RIC3: variants seen among roughly 807,000 people sequenced by gnomAD.
The protein encoded by RIC3 is protein RIC-3.
RIC3 carries 28 observed loss-of-function variants against 27.3 expected under a neutral mutation model. That is an observed-to-expected ratio of 1.02 (90% confidence interval 0.76 to 1.41). RIC3 has a LOEUF of 1.41. Ranked by LOEUF, RIC3 falls within the 40% of genes most tolerant of loss-of-function variation. The pLI is 0.00. For synonymous variants in RIC3, 184 were observed against 160.4 expected (o/e 1.15, Z -1.11); for missense variants, 501 against 444.7 (o/e 1.13, Z -1.14).
At chr11:8,098,916 T>TA in the RIC3 span, 2 of 1,459,536 alleles carry the variant, frequency 1.4e-6, no homozygotes, top group Non-Finnish European at 1.9e-6. Context: ...CCAAGGTAGA[T>TA]ATGAAATCCA....
intron 5 of RIC3, among the ~76,000 whole-genome samples, chr11:8,122,535 CT>C (rs1946571120): frequency 6.6e-6 from 1 of 151,938 alleles, no homozygotes; most frequent in Non-Finnish European, 1.5e-5. Context: ...TGAAATTAAG[CT>C]GCTATAAATA....
downstream of RIC3, among the ~76,000 whole-genome samples, chr11:8,101,330 C>T (rs956866036): frequency 6.6e-6 from 1 of 152,178 alleles, no homozygotes; most frequent in African/African-American, 2.4e-5. Context: ...CCACTTCTCC[C>T]AATTGGCCTT....
chr11:8,103,425 A>T (rs1360784948), downstream of RIC3: 3 of 152,318 alleles, frequency 2.0e-5, no homozygotes, highest in East Asian at 5.8e-4. Context: ...TAAACGTGTT[A>T]GGCTTTATAG....
At chr11:8,096,922 TTATGTCCCTC>T in the RIC3 span, 1 of 1,244,698 alleles carries the variant, frequency 8.0e-7, no homozygotes, top group Non-Finnish European at 1.2e-6. Flanking sequence ...TGCTGGCCTC[TTATGTCCCTC>T]TACCTTGCCT....
intron 5 of RIC3, among the ~76,000 whole-genome samples, chr11:8,122,155 G>A (rs986152626): frequency 1.4e-4 from 21 of 152,132 alleles, no homozygotes; most frequent in African/African-American, 4.8e-4. Context: ...TAACAACCAG[G>A]ATATTAATAT....
chr11:8,110,317 C>A lies in RIC3; in HGVS notation c.*381G>T. ...ATCTTCATTCTTGCAACCTTAAGTC[C>A]TCATCATCTGTAAGCTGATGTTCGT... On this transcript the variant is annotated 3_prime_UTR_variant, in exon 6 of 6. Coordinates refer to ENST00000309737, the MANE Select transcript of RIC3 (RefSeq NM_001206671.4). The A allele has an allele frequency of 2.9e-6, 1 of 346,904 alleles. No individual in the cohort carries two copies. The highest frequency in any genetic ancestry group is 5.6e-6 in the Non-Finnish European group (1 of 179,840). 21.5% of individuals were successfully genotyped at this position (346,904 alleles called of 1,614,324 possible).
chr11:8,138,584 C>A, intron 2 of RIC3: 1 of 461,238 alleles, frequency 2.2e-6, no homozygotes. Flanking sequence ...TTCAAAGAGA[C>A]TTTACTCCCC....
At chr11:8,096,904 A>G in the RIC3 span, 1 of 1,410,900 alleles carries the variant, frequency 7.1e-7, no homozygotes. Context: ...TGCCTTTAGG[A>G]GCTTCTCTGC....
chr11:8,166,045 T>C (rs944471476), intron 1 of RIC3, among the ~76,000 whole-genome samples: 2 of 152,184 alleles, frequency 1.3e-5, no homozygotes, highest in Non-Finnish European at 2.9e-5. Flanking sequence ...CACCACAGCC[T>C]TTCAAAATGC....
chr11:8,152,591 G>T (rs1418809920), intron 1 of RIC3, among the ~76,000 whole-genome samples: 4 of 152,154 alleles, frequency 2.6e-5, no homozygotes, highest in Non-Finnish European at 5.9e-5. Flanking sequence ...AGGAAAAAGT[G>T]ACTGCCTAAT....
the RIC3 span, chr11:8,097,163 C>T: frequency 6.3e-7 from 1 of 1,576,758 alleles, no homozygotes; most frequent in African/African-American, 1.3e-5. Flanking sequence ...GATTTGGATC[C>T]CAGACCACCA....
At chr11:8,101,370 C>A, downstream of RIC3, 3 of 1,321,854 alleles carry the variant, frequency 2.3e-6, no homozygotes, top group Non-Finnish European at 3.2e-6. Context: ...ATTCCCCTGG[C>A]ATCTCTGCTT....
chr11:8,107,960 G>A lies in RIC3; in HGVS notation c.*2738C>T, dbSNP rs1944857172. 1 of 152,184 alleles carries A rather than the reference G, an allele frequency of 6.6e-6. No homozygotes were observed. The highest frequency in any genetic ancestry group is 1.5e-5 in the Non-Finnish European group (1 of 68,034). 9.4% of individuals were successfully genotyped at this position (152,184 alleles called of 1,614,324 possible). On this transcript the variant is annotated 3_prime_UTR_variant, in exon 6 of 6. Coordinates refer to ENST00000309737, the MANE Select transcript of RIC3 (RefSeq NM_001206671.4). ...CGGACCCATGATTTTGTCATCCTGG[G>A]TTGTATATACACATATAACTGTCAT...
intron 1 of RIC3, among the ~76,000 whole-genome samples, chr11:8,155,863 G>C (rs1047004821): frequency 6.6e-6 from 1 of 152,160 alleles, no homozygotes; most frequent in Non-Finnish European, 1.5e-5. Flanking sequence ...TGAGGAAGCT[G>C]TAGAAGCCAT....
chr11:8,098,947 G>GGGCTATCC, the RIC3 span: 1,734 of 1,118,760 alleles, frequency 1.5e-3, 24 homozygotes, highest in African/African-American at 0.024. Context: ...CCTGATCTAG[G>GGGCTATCC]GGCTATCCCA....
the RIC3 span, chr11:8,100,940 C>G: frequency 6.2e-7 from 1 of 1,614,170 alleles, no homozygotes; most frequent in Non-Finnish European, 8.5e-7. Flanking sequence ...ACTCAACTTC[C>G]ATGGGCGCGT....
intron 5 of RIC3, among the ~76,000 whole-genome samples, chr11:8,118,493 T>A (rs1356001985): frequency 2.0e-4 from 4 of 20,064 alleles, no homozygotes; most frequent in African/African-American, 2.0e-4. Context: ...AAACAAGAAA[T>A]AAAAAGGAGC....
chr11:8,097,641 G>C, the RIC3 span: 1 of 1,388,864 alleles, frequency 7.2e-7, no homozygotes. Flanking sequence ...GAGAGAGTCT[G>C]TGTGAGTGGC....
chr11:8,115,104 C>T (rs1945700979), intron 5 of RIC3, among the ~76,000 whole-genome samples: 1 of 151,976 alleles, frequency 6.6e-6, no homozygotes, highest in Admixed American at 6.6e-5. Flanking sequence ...CAAAAGTCTC[C>T]AATCAGACTG....
Sources: allele counts gnomAD v4.1 joint callset (sites outside exome capture counted in the v4.1 genomes callset), GRCh38; gene constraint gnomAD v4.1.1; transcripts MANE v1.5; gene names NCBI Gene and HGNC (gene_info 2026-07-23, HGNC 2026-07-21).